Variants in FRMD4B observed in about 807,000 individuals in gnomAD.
FRMD4B encodes the protein FERM domain containing 4B, also known as FERM domain-containing protein 4B.
In FRMD4B, 74 loss-of-function variants were observed where a neutral mutation model predicts 141.5. That is an observed-to-expected ratio of 0.52 (90% CI 0.43 to 0.63). The LOEUF is 0.63. Among genes scored for constraint, FRMD4B ranks in the 30% least tolerant of loss-of-function variants. The pLI, the probability that FRMD4B is intolerant of heterozygous loss-of-function variation, is 0.00. For synonymous variants in FRMD4B, 506 were observed against 467.9 expected (o/e 1.08, Z -1.05); for missense variants, 1,366 against 1,253.4 (o/e 1.09, Z -1.36).
intron 1 of FRMD4B, among the ~76,000 whole-genome samples, chr3:69,488,994 T>C (rs1706264194): frequency 1.3e-5 from 2 of 151,524 alleles, no homozygotes; most frequent in Admixed American, 1.3e-4. Context: ...ATTCCTTAGA[T>C]GTGACACCCA....
intron 2 of FRMD4B, among the ~76,000 whole-genome samples, chr3:69,391,234 ATTT>A (rs1186488640): frequency 1.4e-5 from 2 of 146,696 alleles, no homozygotes; most frequent in Non-Finnish European, 3.0e-5. Context: ...TTTATTTATT[ATTT>A]ATTTATTTTT....
At chr3:69,314,774 G>T (rs893492095) in intron 1 of FRMD4B, among the ~76,000 whole-genome samples, 4 of 152,152 alleles carry the variant, frequency 2.6e-5, no homozygotes, top group Non-Finnish European at 4.4e-5. Flanking sequence ...GGTTGAGGTT[G>T]CAGTAAGCTG....
chr3:69,384,083 C>G (rs1038425355), intron 1 of FRMD4B, among the ~76,000 whole-genome samples: 1 of 152,172 alleles, frequency 6.6e-6, no homozygotes, highest in African/African-American at 2.4e-5. Flanking sequence ...TATAGACACA[C>G]AGCACACTGC....
intron 7 of FRMD4B, among the ~76,000 whole-genome samples, chr3:69,234,812 C>A (rs967397676): frequency 1.3e-5 from 2 of 152,182 alleles, no homozygotes; most frequent in African/African-American, 4.8e-5. Context: ...CTGCTTTTAA[C>A]TAAGGGCTTA....
At chr3:69,246,282 CCT>C (rs772676980) in intron 7 of FRMD4B, among the ~76,000 whole-genome samples, 5 of 151,914 alleles carry the variant, frequency 3.3e-5, no homozygotes, top group Non-Finnish European at 7.4e-5. Flanking sequence ...ATGGTGAATC[CCT>C]GTTTCTACAA....
intron 3 of FRMD4B, 130 bp from the exon 4 acceptor site, chr3:69,302,565 C>G: frequency 3.1e-6 from 2 of 635,240 alleles, no homozygotes; most frequent in South Asian, 3.7e-5. Context: ...CCTGTTACAA[C>G]TGGTAATGAG....
At chr3:69,462,191 CAGAGCCGCAAGTAACCAGAGCTCAGTCT>C (rs534797118) in intron 1 of FRMD4B, among the ~76,000 whole-genome samples, 1 of 152,202 alleles carries the variant, frequency 6.6e-6, no homozygotes, top group South Asian at 2.1e-4. Flanking sequence ...GAACAGTAAC[CAGAGCCGCAAGTAACCAGAGCTCAGTCT>C]TGCCGGGAAC....
chr3:69,351,987 C>T (rs959773712), intron 1 of FRMD4B, among the ~76,000 whole-genome samples: 1 of 152,198 alleles, frequency 6.6e-6, no homozygotes, highest in South Asian at 2.1e-4. Flanking sequence ...AGACATAGTA[C>T]CTGTCTGCAG....
chr3:69,398,721 G>A (rs1488028418), intron 2 of FRMD4B, among the ~76,000 whole-genome samples: 1 of 152,134 alleles, frequency 6.6e-6, no homozygotes, highest in Admixed American at 6.6e-5. Flanking sequence ...CCAGGGCTCT[G>A]CTGGATAAGC....
At chr3:69,176,023 G>A (rs1047293206) in intron 22 of FRMD4B, among the ~76,000 whole-genome samples, 12 of 151,866 alleles carry the variant, frequency 7.9e-5, no homozygotes, top group Non-Finnish European at 1.5e-4. Flanking sequence ...CTCATGATCC[G>A]CCCGCCTCGG....
At chr3:69,476,339 C>A (rs1391731358) in intron 1 of FRMD4B, among the ~76,000 whole-genome samples, 8 of 151,960 alleles carry the variant, frequency 5.3e-5, no homozygotes, top group Admixed American at 4.6e-4. Context: ...GGTTTTAGGT[C>A]TAACGTTTAA....
At chr3:69,403,955 A>G (rs944723331) in intron 2 of FRMD4B, among the ~76,000 whole-genome samples, 5 of 152,178 alleles carry the variant, frequency 3.3e-5, no homozygotes, top group African/African-American at 2.4e-5. Context: ...TCTGGAGTGC[A>G]GTGGCACAAT....
chr3:69,319,136 A>C (rs757838551), intron 1 of FRMD4B, among the ~76,000 whole-genome samples: 5 of 152,252 alleles, frequency 3.3e-5, no homozygotes, highest in Non-Finnish European at 7.3e-5. Flanking sequence ...TCCTCATTTT[A>C]ACCACCAGGA....
chr3:69,303,420 A>G (rs1222033319), intron 3 of FRMD4B, among the ~76,000 whole-genome samples: 2 of 152,196 alleles, frequency 1.3e-5, no homozygotes, highest in African/African-American at 4.8e-5. Flanking sequence ...GATGCATAAC[A>G]GCAAGTATAT....
chr3:69,521,870 A>G (rs1700859833), intron 1 of FRMD4B, among the ~76,000 whole-genome samples: 1 of 152,152 alleles, frequency 6.6e-6, no homozygotes, highest in South Asian at 2.1e-4. Context: ...GCTAATCCAA[A>G]GTAACACTAC....
At chr3:69,214,336 T>G (rs58466798) in intron 11 of FRMD4B, among the ~76,000 whole-genome samples, 4 of 152,142 alleles carry the variant, frequency 2.6e-5, no homozygotes, top group African/African-American at 9.7e-5. Flanking sequence ...GTTGTGATAA[T>G]GCAGGTAGCT....
At chr3:69,313,552 C>T (rs745501617) in intron 1 of FRMD4B, 35 bp from the exon 2 acceptor site, 2 of 1,375,808 alleles carry the variant, frequency 1.5e-6, no homozygotes, top group Non-Finnish European at 2.0e-6. Context: ...GGTGTCAGGG[C>T]CACGGCTGGC....
chr3:69,428,544 T>C (rs781533046), intron 2 of FRMD4B, among the ~76,000 whole-genome samples: 5 of 151,876 alleles, frequency 3.3e-5, no homozygotes, highest in African/African-American at 4.8e-5. Context: ...ATTGTACTTT[T>C]GTTTTAGATC....
At chr3:69,304,857 A>G (rs2107184787) in intron 3 of FRMD4B, among the ~76,000 whole-genome samples, 1 of 152,326 alleles carries the variant, frequency 6.6e-6, no homozygotes, top group African/African-American at 2.4e-5. Flanking sequence ...GGGCCAGAAG[A>G]CATTTTCAAA....
Sources: allele counts gnomAD v4.1 joint callset (sites outside exome capture counted in the v4.1 genomes callset), GRCh38; gene constraint gnomAD v4.1.1; transcripts MANE v1.5; gene names NCBI Gene and HGNC (gene_info 2026-07-23, HGNC 2026-07-21).